The following CENPX variants were observed in gnomAD, a reference collection of about 807,000 sequenced individuals.
The protein encoded by CENPX is FANCM associated histone fold protein 2.
CENPX carries 13 observed loss-of-function variants against 13.2 expected under a neutral mutation model. That is an observed-to-expected ratio of 0.98 (90% CI 0.64 to 1.56). The LOEUF is 1.56. Ranked by LOEUF, CENPX falls within the 40% of genes most tolerant of loss-of-function variation. The pLI, the probability that CENPX is intolerant of heterozygous loss-of-function variation, is 0.00. For synonymous variants in CENPX, 66 were observed against 47.2 expected (o/e 1.40, Z -1.63); for missense variants, 138 against 107.5 (o/e 1.28, Z -1.26).
At chr17:82,021,792 A>G (rs1449412732) in intron 1 of CENPX, among the ~76,000 whole-genome samples, 1 of 152,226 alleles carries the variant, frequency 6.6e-6, no homozygotes, top group Non-Finnish European at 1.5e-5. Context: ...GTGTTCTCAC[A>G]ACCACCCAGT....
rs2043224399 is a variant in CENPX at position 82,019,158 on chromosome 17, T to C, written c.*47A>G. On this transcript the variant is annotated 3_prime_UTR_variant, in exon 5 of 5. Coordinates refer to ENST00000392359, the MANE Select transcript of CENPX (RefSeq NM_001271006.2). ...GCTGGAAACACAAGGCCTGCTTCTG[T>C]GGACCAGGGGCTCCTCTGGGGGTGG... 1 of 1,514,028 alleles carries C rather than the reference T, an allele frequency of 6.6e-7. No homozygotes were observed. Among genetic ancestry groups the C allele is most frequent in the South Asian group, 1.3e-5 (1 of 75,648 alleles). The allele number at this position is 1,514,028 out of a possible 1,614,324, so 93.8% of individuals were successfully genotyped here. A position where few individuals can be genotyped will look rare whatever the true frequency, so the allele number is the denominator to read the frequency against.
chr17:82,019,939 C>G (rs750776046), intron 1 of CENPX, 30 bp from the exon 2 acceptor site: 3 of 1,519,140 alleles, frequency 2.0e-6, no homozygotes, highest in Non-Finnish European at 2.7e-6. Context: ...CAGCGCCACG[C>G]CCCGCCCTCC....
chr17:82,021,720 C>A lies in CENPX; in HGVS notation c.36+1106G>T, dbSNP rs1186649131. On this transcript the variant is annotated intron_variant, in intron 1 of 4. Coordinates refer to ENST00000392359, the MANE Select transcript of CENPX (RefSeq NM_001271006.2). ...CAGGTGGGCTTGATAGAACACATGA[C>A]CTCCTGGGGTGTGTACCCAGTGCCC... 3.3e-5 allele frequency among the ~76,000 whole-genome samples: 5 copies of A among 152,226 alleles called. No homozygotes were observed. In the East Asian group the frequency reaches 9.6e-4, roughly 29 times the overall value.
Position 82,022,835 on chromosome 17 carries a change from G to GCCCCTGCCCT in CENPX, c.26_27insAGGGCAGGGG (p.Phe10GlyfsTer20). 6.3e-7 allele frequency: 1 copy of GCCCCTGCCCT among 1,592,218 alleles called. No individual in the cohort carries two copies. Among genetic ancestry groups the GCCCCTGCCCT allele is most frequent in the African/African-American group, 1.3e-5 (1 of 74,720 alleles). On this transcript the variant is annotated frameshift_variant, in exon 1 of 5. Transcript: ENST00000392359. LOFTEE classifies it high-confidence loss of function. Reference sequence around the variant, plus strand: ...GCCCTCCGGCCCTCACCTTCCGGAAGCCGGATCCAGCTCCTGCTCCCTCCA... The same window carrying GCCCCTGCCCT: ...GCCCTCCGGCCCTCACCTTCCGGAAGCCCCTGCCCTCCGGATCCAGCTCCTGCTCCCTCCA...
chr17:82,019,459 C>T (rs920008528), intron 3 of CENPX, 78 bp from the exon 4 acceptor site: 23 of 1,511,506 alleles, frequency 1.5e-5, no homozygotes, highest in Non-Finnish European at 1.5e-5. Flanking sequence ...CAGCCTGGGC[C>T]GGTGCCCCCC....
At chr17:82,021,819 CAG>C (rs1339741144) in intron 1 of CENPX, among the ~76,000 whole-genome samples, 1 of 152,232 alleles carries the variant, frequency 6.6e-6, no homozygotes, top group Non-Finnish European at 1.5e-5. Context: ...GCCCAAGCCT[CAG>C]TGACTTTCTC....
rs1299563525 is a variant in CENPX, at chr17:82,019,672, G to A, written c.111C>T (p.Leu37=). 6.5e-7 allele frequency: 1 copy of A among 1,550,326 alleles called. No homozygotes were observed. Among genetic ancestry groups the A allele is most frequent in the Non-Finnish European group, 8.7e-7 (1 of 1,146,980 alleles). The part of the protein sequence containing the change: ...KTKVSGDALQ[L]MVELLKVFVV... ...CGAAGACCTTCAGCAACTCCACCAT[G>A]AGCTGCAGCGCGTCCCCGCTCACTG... The change falls in exon 3 of 5, where the codon CTC becomes CTT. Residue 37 remains leucine, a synonymous_variant. Coordinates refer to ENST00000392359, the MANE Select transcript of CENPX (RefSeq NM_001271006.2).
chr17:82,020,145 G>A (rs570234008), intron 1 of CENPX, among the ~76,000 whole-genome samples: 1 of 152,364 alleles, frequency 6.6e-6, no homozygotes, highest in East Asian at 1.9e-4. Flanking sequence ...TCTGGGCTGG[G>A]AGCCTCCCTA....
At position 82,019,122 on chromosome 17, in the gene CENPX, TATC is replaced by T. The variant is rs2043223493; in HGVS notation, c.*80_*82del. On this transcript the variant is annotated 3_prime_UTR_variant, in exon 5 of 5. Coordinates refer to ENST00000392359, the MANE Select transcript of CENPX (RefSeq NM_001271006.2). ...ATCCTTCAGGTCCTTCCCTGCCTCT[TATC>T]AGAGGCCGCTGGAAACACAAGGCCT... is the stretch of plus-strand genomic sequence containing the variant. The T allele has an allele frequency of 6.8e-7, 1 of 1,476,922 alleles. No individual in the cohort carries two copies. Among genetic ancestry groups the T allele is most frequent in the Non-Finnish European group, 9.0e-7 (1 of 1,109,638 alleles). The allele number at this position is 1,476,922 out of a possible 1,614,324, so 91.5% of individuals were successfully genotyped here.
intron 1 of CENPX, among the ~76,000 whole-genome samples, chr17:82,020,329 G>A (rs1219101310): frequency 6.6e-6 from 1 of 152,254 alleles, no homozygotes; most frequent in Non-Finnish European, 1.5e-5. Context: ...GTTGGGTCTG[G>A]AGGCTGGAGG....
In CENPX at chr17:82,019,228, A is replaced by G. The variant is rs1179000512; in HGVS notation, c.232-9T>C. On this transcript the variant is annotated splice_polypyrimidine_tract_variant and intron_variant, in intron 4 of 4. Coordinates refer to ENST00000392359, the MANE Select transcript of CENPX (RefSeq NM_001271006.2). ...CCCTAGAAGTCCAGGAGCTGTGGGG[A>G]AGAGAAGCACTTAGGGCCAGCCAGC... 1.3e-6 allele frequency: 2 copies of G among 1,590,828 alleles called. No homozygotes were observed. Among genetic ancestry groups the G allele is most frequent in the South Asian group, 1.1e-5 (1 of 89,300 alleles).
intron 1 of CENPX, among the ~76,000 whole-genome samples, chr17:82,020,680 G>A (rs1403391037): frequency 6.6e-6 from 1 of 152,162 alleles, no homozygotes; most frequent in Admixed American, 6.5e-5. Flanking sequence ...GGAAGGGAGG[G>A]GGCTGCAGAG....
chr17:82,018,855 C>T lies in CENPX; in HGVS notation c.*350G>A. On this transcript the variant is annotated 3_prime_UTR_variant, in exon 5 of 5. Transcript: ENST00000392359. ...GGAATGTGGGCAGGAGGCAGCGCTG[C>T]CAGCTGCTGTTTGTCAAACACACAG... 1 of 351,590 alleles carries T rather than the reference C, an allele frequency of 2.8e-6. No individual in the cohort carries two copies. The allele number at this position is 351,590 out of a possible 1,614,324, so 21.8% of individuals were successfully genotyped here.
chr17:82,022,189 G>A (rs1405368374), intron 1 of CENPX, among the ~76,000 whole-genome samples: 1 of 152,210 alleles, frequency 6.6e-6, no homozygotes, highest in Non-Finnish European at 1.5e-5. Context: ...GGAAGAGCAG[G>A]GCACGCCCTC....
Position 82,019,324 on chromosome 17 carries a change from A to G in CENPX, c.200T>C (p.Val67Ala), listed in dbSNP as rs772577388. 1.4e-5 allele frequency: 22 copies of G among 1,587,450 alleles called. No homozygotes were observed. Among genetic ancestry groups the G allele is most frequent in the Admixed American group, 3.7e-5 (2 of 54,604 alleles). The change falls in exon 4 of 5, where the codon GTG (valine) becomes GCG (alanine). Residue 67 changes from valine to alanine, a missense_variant. Physicochemically the swap from Val to Ala is moderately conservative, Grantham distance 64 (BLOSUM62 0). Transcript: ENST00000392359. ...AQAEDALRVDVDQLEKVLPQL... is the reference protein window; with the variant it reads ...AQAEDALRVDADQLEKVLPQL... The stretch of plus-strand genomic sequence containing the variant: ...CGGAAGCACCTTCTCCAGCTGGTCC[A>G]CGTCCACACGGAGCGCGTCTTCTGC...
rs765331269 is a variant in CENPX at position 82,019,874 on chromosome 17, C to T, written c.72G>A (p.Lys24=). The T allele has an allele frequency of 1.1e-4, 172 of 1,600,428 alleles. No homozygotes were observed. In the East Asian group the frequency reaches 2.3e-3, roughly 21 times the overall value. The change falls in exon 2 of 5, where the codon AAG becomes AAA. Residue 24 remains lysine, a synonymous_variant. Coordinates refer to ENST00000392359, the MANE Select transcript of CENPX (RefSeq NM_001271006.2). The part of the protein sequence containing the change: ...LVSRLLHLHF[K]DDKTKVSGDA... Reference sequence around the variant, plus strand: ...CACCCGCACCTTTGGTCTTGTCATCCTTGAAGTGCAGGTGCAGCAGCCTGC... The same window carrying T: ...CACCCGCACCTTTGGTCTTGTCATCTTTGAAGTGCAGGTGCAGCAGCCTGC...
At chr17:82,021,032 C>T (rs2043271984) in intron 1 of CENPX, among the ~76,000 whole-genome samples, 1 of 152,176 alleles carries the variant, frequency 6.6e-6, no homozygotes, top group African/African-American at 2.4e-5. Context: ...CAGTGGGCAC[C>T]CAGGAGCCCA....
At position 82,019,368 on chromosome 17, in the gene CENPX, G is replaced by T. The variant is rs17850521; in HGVS notation, c.156C>A (p.Arg52=). ...LKVFVVEAAV[R]GVRQAQAEDA... Reference sequence around the variant, plus strand: ...CTTCTGCCTGGGCCTGCCGCACGCCGCGGACTGCTGCTTCTGCGGTGAGAA... The same window carrying T: ...CTTCTGCCTGGGCCTGCCGCACGCCTCGGACTGCTGCTTCTGCGGTGAGAA... Residue 52 remains arginine, a synonymous_variant, in exon 4 of 5, where the codon CGC becomes CGA. Coordinates refer to ENST00000392359, the MANE Select transcript of CENPX (RefSeq NM_001271006.2). The T allele has an allele frequency of 7.7e-6, 12 of 1,554,874 alleles. No individual in the cohort carries two copies. The highest frequency in any genetic ancestry group is 1.9e-5 in the Admixed American group (1 of 51,488).
Position 82,019,374 on chromosome 17 carries a change from T to G in CENPX, c.150A>C (p.Ala50=), listed in dbSNP as rs1043501924. The G allele has an allele frequency of 1.6e-5, 25 of 1,550,672 alleles. No individual in the cohort carries two copies. The highest frequency in any genetic ancestry group is 1.7e-5 in the Non-Finnish European group (19 of 1,149,914). Residue 50 remains alanine, a synonymous_variant, in exon 4 of 5, where the codon GCA becomes GCC. Coordinates refer to ENST00000392359, the MANE Select transcript of CENPX (RefSeq NM_001271006.2). ...CCTGGGCCTGCCGCACGCCGCGGAC[T>G]GCTGCTTCTGCGGTGAGAAACGCGA... The part of the protein sequence containing the change: ...ELLKVFVVEA[A]VRGVRQAQAE...
Sources: gnomAD v4.1 joint callset for allele counts (sites outside exome capture counted in the v4.1 genomes callset) on GRCh38, gnomAD v4.1.1 for gene constraint, MANE v1.5 for transcripts, NCBI Gene and HGNC (gene_info 2026-07-23, HGNC 2026-07-21) for gene names.